HFM1: variants seen among roughly 807,000 people sequenced by gnomAD.
The protein encoded by HFM1 is helicase for meiosis 1.
Under a neutral mutation model 192.1 loss-of-function variants are expected in HFM1, and 169 were observed. The ratio of observed to expected loss-of-function variants is 0.88; its 90% CI spans 0.78 to 1.00. The LOEUF is 1.00. Among genes scored for constraint, HFM1 ranks in the 50% least tolerant of loss-of-function variants. The pLI is 0.00. For synonymous variants in HFM1, 525 were observed against 537.8 expected, an observed-to-expected ratio of 0.98 and a Z score of 0.33; for missense variants, 1,661 against 1,668.0, an observed-to-expected ratio of 1.00 and a Z score of 0.07.
chr1:91,316,507 AAAT>A (rs1651245407), intron 25 of HFM1, 31 bp from the exon 26 acceptor site: 1 of 1,014,522 alleles, frequency 9.9e-7, no homozygotes, highest in African/African-American at 1.7e-5. Context: ...AACAACTTAA[AAAT>A]AATGCACTTT....
chr1:91,367,254 C>T (rs1036410692), intron 13 of HFM1, among the ~76,000 whole-genome samples: 10 of 152,292 alleles, frequency 6.6e-5, no homozygotes, highest in South Asian at 6.2e-4. Context: ...CATTGGAAGA[C>T]AGTAGTGGTT....
intron 30 of HFM1, among the ~76,000 whole-genome samples, chr1:91,279,009 C>A (rs1667215366): frequency 6.6e-6 from 1 of 151,912 alleles, no homozygotes; most frequent in African/African-American, 2.4e-5. Flanking sequence ...TAAATCCTCT[C>A]ACTTCCAAAA....
rs138300240 is a variant in HFM1, at chr1:91,390,514, C to A, written c.494+3579G>T. ...GGAGGGAAAGAATGAAAGACTGATA[C>A]ATAACACAACATGCATGAACCTTAA... On this transcript the variant is annotated intron_variant, in intron 4 of 38. Coordinates refer to ENST00000370425, the MANE Select transcript of HFM1 (RefSeq NM_001017975.6). 3.3e-5 allele frequency among the ~76,000 whole-genome samples: 5 copies of A among 151,162 alleles called. No individual in the cohort carries two copies. The South Asian group carries it at 1.0e-3, about 32-fold the overall frequency.
intron 30 of HFM1, among the ~76,000 whole-genome samples, chr1:91,306,326 CTG>C (rs1423845597): frequency 6.6e-6 from 1 of 152,176 alleles, no homozygotes; most frequent in Non-Finnish European, 1.5e-5. Context: ...GGGTGAAACT[CTG>C]TCTCAAAAAC....
intron 30 of HFM1, among the ~76,000 whole-genome samples, chr1:91,294,517 C>G (rs1382399837): frequency 6.6e-6 from 1 of 152,198 alleles, no homozygotes; most frequent in Non-Finnish European, 1.5e-5. Context: ...GGCCAACCAT[C>G]TATTTTTGTA....
intron 30 of HFM1, among the ~76,000 whole-genome samples, chr1:91,291,596 G>C (rs1668764027): frequency 6.6e-6 from 1 of 152,172 alleles, no homozygotes. Context: ...GGACCAGATG[G>C]ATTCATAGCC....
At chr1:91,291,508 G>T (rs566416997) in intron 30 of HFM1, among the ~76,000 whole-genome samples, 1 of 152,260 alleles carries the variant, frequency 6.6e-6, no homozygotes, top group East Asian at 1.9e-4. Flanking sequence ...CCAGGAAGAA[G>T]TTGAATCTCT....
rs750434144 is a variant in HFM1 at position 91,316,130 on chromosome 1, G to T, written c.2953C>A (p.Leu985Ile). ...TCCACTTTAAGTTCATATTTTGGTA[G>T]ATACATCACAGTTTCTTTTATCTGG... ...GTQIKETVMYLPKYELKVEQI... is the reference protein window; with the variant it reads ...GTQIKETVMYIPKYELKVEQI... Residue 985 changes from leucine (L) to isoleucine (I), a missense_variant, in exon 27 of 39, where the codon CTA (leucine) becomes ATA (isoleucine). By Grantham distance (5) the Leu-to-Ile change is conservative. Coordinates refer to ENST00000370425, the MANE Select transcript of HFM1 (RefSeq NM_001017975.6). 8 of 1,592,278 alleles carry T rather than the reference G, an allele frequency of 5.0e-6. No individual in the cohort carries two copies. The Admixed American group carries it at 1.4e-4, about 27-fold the overall frequency.
In HFM1 at chr1:91,347,479, G is replaced by A; in HGVS notation, c.2207-3C>T. The A allele has an allele frequency of 1.3e-6, 2 of 1,580,570 alleles. No individual in the cohort carries two copies. Among genetic ancestry groups the A allele is most frequent in the South Asian group, 1.2e-5 (1 of 85,324 alleles). On this transcript the variant is annotated splice_region_variant and splice_polypyrimidine_tract_variant and intron_variant, in intron 18 of 38. Transcript: ENST00000370425. Reference sequence around the variant, plus strand: ...TTTGTTCAATCCAGATGCAAAACCTGCATGTCATGAAAAAGTAAAATAGAA... The same window carrying A: ...TTTGTTCAATCCAGATGCAAAACCTACATGTCATGAAAAAGTAAAATAGAA...
chr1:91,331,226 A>C (rs1332397834), intron 20 of HFM1, among the ~76,000 whole-genome samples: 1 of 152,222 alleles, frequency 6.6e-6, no homozygotes, highest in Non-Finnish European at 1.5e-5. Context: ...ATTTGGAAAA[A>C]CATAAAGAAT....
chr1:91,352,537 A>C lies in HFM1; in HGVS notation c.1946T>G (p.Leu649Arg). 1 of 1,607,814 alleles carries C rather than the reference A, an allele frequency of 6.2e-7. No individual in the cohort carries two copies. ...LFEEYSETDI[L>R]QMIGRAGRPQ... is the part of the protein sequence containing the mutation. Reference sequence around the variant, plus strand: ...TCGACCAGCTCTACCAATCATCTGTAGAATATCTGTTTCACTGTACTCTTC... The same window carrying C: ...TCGACCAGCTCTACCAATCATCTGTCGAATATCTGTTTCACTGTACTCTTC... Residue 649 changes from leucine to arginine, a missense_variant, in exon 16 of 39, where the codon CTA becomes CGA. Leu to Arg is a moderately radical substitution (Grantham distance 102). Transcript: ENST00000370425.
At chr1:91,300,031 C>A (rs531898615) in intron 30 of HFM1, among the ~76,000 whole-genome samples, 1 of 151,442 alleles carries the variant, frequency 6.6e-6, no homozygotes, top group Admixed American at 6.6e-5. Flanking sequence ...ATTGATAGAC[C>A]GCTAGCAAGA....
chr1:91,325,085 G>A (rs971501946), intron 20 of HFM1, among the ~76,000 whole-genome samples: 1 of 147,192 alleles, frequency 6.8e-6, no homozygotes, highest in Non-Finnish European at 1.5e-5. Flanking sequence ...CAGCATTTCT[G>A]GACCTGCCCT....
Position 91,325,506 on chromosome 1 carries a change from CTT to C in HFM1, c.2336-742_2336-741del, listed in dbSNP as rs1293251207. Among the ~76,000 whole-genome samples, 3 of 152,176 alleles carry C rather than the reference CTT, an allele frequency of 2.0e-5. No homozygotes were observed. In the East Asian group the frequency reaches 5.8e-4, roughly 29 times the overall value. The stretch of plus-strand genomic sequence containing the variant: ...GAAAGTAAGGGAAAAGAACAAGAGT[CTT>C]TGCCTGATAGTCCAGAGAATTCTTC... On this transcript the variant is annotated intron_variant, in intron 20 of 38. Coordinates refer to ENST00000370425, the MANE Select transcript of HFM1 (RefSeq NM_001017975.6).
chr1:91,370,178 C>T (rs1485090127), intron 13 of HFM1, among the ~76,000 whole-genome samples: 1 of 152,168 alleles, frequency 6.6e-6, no homozygotes, highest in African/African-American at 2.4e-5. Flanking sequence ...GGAGTTGTTA[C>T]CATTCCTTCT....
rs1158671070 is a variant in HFM1, at chr1:91,390,447, AAGAG to A, written c.494+3642_494+3645del. Among the ~76,000 whole-genome samples the A allele has an allele frequency of 2.6e-5, 4 of 151,422 alleles. No homozygotes were observed. The Admixed American group carries it at 2.7e-4, about 10-fold the overall frequency. On this transcript the variant is annotated intron_variant, in intron 4 of 38. Coordinates refer to ENST00000370425, the MANE Select transcript of HFM1 (RefSeq NM_001017975.6). ...TAAGACTCCCAAAGAAAAAAAAAAA[AAGAG>A]AGAAAGAAAGGAAGGAAGGAAGGAA...
At chr1:91,380,719 A>G (rs1661456958) in intron 7 of HFM1, among the ~76,000 whole-genome samples, 193 bp downstream of exon 7, 1 of 152,130 alleles carries the variant, frequency 6.6e-6, no homozygotes, top group African/African-American at 2.4e-5. Context: ...TCACCACTGC[A>G]CTCAAATACA....
chr1:91,384,859 T>A (rs547771428), intron 6 of HFM1, among the ~76,000 whole-genome samples: 7 of 151,814 alleles, frequency 4.6e-5, no homozygotes, highest in Non-Finnish European at 8.8e-5. Flanking sequence ...TTCTCCTCCC[T>A]CAGCCCCCTG....
chr1:91,390,565 T>TA (rs778545358), intron 4 of HFM1, among the ~76,000 whole-genome samples: 6 of 152,166 alleles, frequency 3.9e-5, no homozygotes, highest in Non-Finnish European at 8.8e-5. Context: ...CCATTCATGC[T>TA]AAAAACTCTC....
Sources: gnomAD v4.1 joint callset for allele counts (sites outside exome capture counted in the v4.1 genomes callset) on GRCh38, gnomAD v4.1.1 for gene constraint, MANE v1.5 for transcripts, NCBI Gene and HGNC (gene_info 2026-07-23, HGNC 2026-07-21) for gene names.